CCDC85A: variants seen among roughly 807,000 people sequenced by gnomAD.
CCDC85A encodes the protein coiled-coil domain-containing protein 85A.
CCDC85A carries 38 observed loss-of-function variants against 50.2 expected under a neutral mutation model. The observed-to-expected ratio is 0.76, with a 90% CI of 0.58 to 0.99. The LOEUF (loss-of-function observed/expected upper bound fraction) is 0.99. Among genes scored for constraint, CCDC85A ranks in the 50% least tolerant of loss-of-function variants. The probability of loss-of-function intolerance (pLI) is 0.00; values close to 1 mark genes in which losing one functional copy is unlikely to be tolerated. For missense variants in CCDC85A, 820 were observed against 742.0 expected (o/e 1.11, Z -1.22); for synonymous variants, 366 against 301.4 (o/e 1.21, Z -2.22).
chr2:56,373,406 T>C lies in CCDC85A; in HGVS notation c.1452+928T>C, dbSNP rs1573365533. ...AAAAAAAAAAAAGTGTGTTTTTTAA[T>C]AGATATGGCCAGAACAGGACTTTGT... On this transcript the variant is annotated intron_variant, in intron 4 of 5. Transcript: ENST00000407595. 2.0e-5 allele frequency among the ~76,000 whole-genome samples: 3 copies of C among 151,990 alleles called. No homozygotes were observed. In the East Asian group the frequency reaches 5.8e-4, roughly 29 times the overall value.
At chr2:56,382,108 G>T (rs1676612733) in intron 5 of CCDC85A, among the ~76,000 whole-genome samples, 1 of 151,860 alleles carries the variant, frequency 6.6e-6, no homozygotes, top group Admixed American at 6.6e-5. Flanking sequence ...AAATGTTATT[G>T]TCACCATTAT....
intron 1 of CCDC85A, among the ~76,000 whole-genome samples, chr2:56,190,664 C>A (rs1676255695): frequency 6.6e-6 from 1 of 152,060 alleles, no homozygotes; most frequent in Admixed American, 6.5e-5. Context: ...AAAGGCCTTG[C>A]CCTTTGAGGA....
chr2:56,352,118 T>G (rs1573320614), intron 3 of CCDC85A, among the ~76,000 whole-genome samples: 1 of 152,332 alleles, frequency 6.6e-6, no homozygotes, highest in South Asian at 2.1e-4. Flanking sequence ...TTGTTTTCTT[T>G]CCTGTAGCCT....
chr2:56,230,903 C>G (rs1479312152), intron 2 of CCDC85A, among the ~76,000 whole-genome samples: 2 of 152,044 alleles, frequency 1.3e-5, no homozygotes, highest in South Asian at 2.1e-4. Context: ...GGTTCAGAGT[C>G]TACTTTTGTC....
intron 1 of CCDC85A, among the ~76,000 whole-genome samples, chr2:56,188,345 A>T (rs1401422369): frequency 1.3e-5 from 2 of 152,196 alleles, no homozygotes; most frequent in Admixed American, 1.3e-4. Context: ...GTGATATAGA[A>T]ATGGGAGTGG....
At chr2:56,276,849 T>C (rs935270988) in intron 2 of CCDC85A, among the ~76,000 whole-genome samples, 6 of 152,222 alleles carry the variant, frequency 3.9e-5, no homozygotes, top group African/African-American at 1.4e-4. Context: ...GATGTACATC[T>C]GGATTGCAAA....
chr2:56,230,318 A>G (rs1290016808), intron 2 of CCDC85A, among the ~76,000 whole-genome samples: 1 of 152,194 alleles, frequency 6.6e-6, no homozygotes, highest in Non-Finnish European at 1.5e-5. Context: ...TGGGCAGATG[A>G]TGTAATTCCT....
intron 3 of CCDC85A, among the ~76,000 whole-genome samples, chr2:56,369,351 G>A (rs1675962380): frequency 2.0e-5 from 3 of 152,124 alleles, no homozygotes; most frequent in Admixed American, 2.0e-4. Flanking sequence ...AATGGTCGTA[G>A]TTTGAAGAGA....
intron 2 of CCDC85A, among the ~76,000 whole-genome samples, chr2:56,284,210 A>G (rs1215568308): frequency 6.6e-6 from 1 of 151,992 alleles, no homozygotes; most frequent in Admixed American, 6.6e-5. Context: ...TTGTTTTCCC[A>G]TATTATGATC....
intron 2 of CCDC85A, among the ~76,000 whole-genome samples, chr2:56,245,701 A>G (rs1412592214): frequency 1.3e-5 from 2 of 152,094 alleles, no homozygotes; most frequent in African/African-American, 4.8e-5. Context: ...CCAAAATTCA[A>G]GTGTTGCCAA....
chr2:56,384,437 A>C lies in CCDC85A; in HGVS notation c.*82A>C, dbSNP rs1252816557. 3 of 1,141,304 alleles carry C rather than the reference A, an allele frequency of 2.6e-6. No homozygotes were observed. In the African/African-American group the frequency reaches 4.6e-5, roughly 18 times the overall value. 70.7% of individuals were successfully genotyped at this position (1,141,304 alleles called of 1,614,324 possible). A position where few individuals can be genotyped will look rare whatever the true frequency, so the allele number is the denominator to read the frequency against. On this transcript the variant is annotated 3_prime_UTR_variant, in exon 6 of 6. Transcript: ENST00000407595. ...AAGAAAAAGGAAAGAGTGGGTTTCCACAAACCTGGACTCATGGAATAACAT... is the reference window on the plus strand; with the variant it reads ...AAGAAAAAGGAAAGAGTGGGTTTCCCCAAACCTGGACTCATGGAATAACAT...
intron 2 of CCDC85A, among the ~76,000 whole-genome samples, chr2:56,331,477 T>C (rs995288397): frequency 6.6e-6 from 1 of 152,186 alleles, no homozygotes; most frequent in Admixed American, 6.5e-5. Flanking sequence ...GCTCAGACTT[T>C]AGCACTCTGC....
At position 56,184,507 on chromosome 2, in the gene CCDC85A, G is replaced by T. The variant is rs191774523; in HGVS notation, c.-118G>T. 2.9e-3 allele frequency: 3,419 copies of T among 1,160,124 alleles called. 76 individuals are homozygous for T. In the African/African-American group the frequency reaches 0.051, roughly 17 times the overall value. 71.9% of individuals were successfully genotyped at this position (1,160,124 alleles called of 1,614,324 possible). A position where few individuals can be genotyped will look rare whatever the true frequency, so the allele number is the denominator to read the frequency against. On this transcript the variant is annotated 5_prime_UTR_variant, in exon 1 of 6. Coordinates refer to ENST00000407595, the MANE Select transcript of CCDC85A (RefSeq NM_001080433.2). The stretch of plus-strand genomic sequence containing the variant: ...GCCCCAACCCAGCGGCCCCTGGGCG[G>T]TGCCGCTGACTCGCCGGAGCGCACA...
intron 2 of CCDC85A, among the ~76,000 whole-genome samples, chr2:56,324,914 C>A (rs564344271): frequency 6.6e-6 from 1 of 152,018 alleles, no homozygotes; most frequent in African/African-American, 2.4e-5. Flanking sequence ...ATAGTCTATT[C>A]ATTTCTTCAC....
At chr2:56,305,082 G>A (rs1221371759) in intron 2 of CCDC85A, among the ~76,000 whole-genome samples, 7 of 147,816 alleles carry the variant, frequency 4.7e-5, no homozygotes, top group Admixed American at 2.0e-4. Flanking sequence ...CAGCCTGGGC[G>A]ACAGAGCAAG....
chr2:56,321,159 T>C (rs1002400718), intron 2 of CCDC85A, among the ~76,000 whole-genome samples: 5 of 152,070 alleles, frequency 3.3e-5, no homozygotes, highest in Non-Finnish European at 5.9e-5. Context: ...GAAGAGCTAT[T>C]TATGACAAAC....
At chr2:56,297,364 G>A (rs2104172628) in intron 2 of CCDC85A, among the ~76,000 whole-genome samples, 1 of 149,802 alleles carries the variant, frequency 6.7e-6, no homozygotes, top group South Asian at 2.1e-4. Context: ...TTTCTCTTAG[G>A]ATCTTTGGAT....
chr2:56,351,348 G>A (rs1179322290), intron 3 of CCDC85A, among the ~76,000 whole-genome samples: 1 of 149,708 alleles, frequency 6.7e-6, no homozygotes, highest in Non-Finnish European at 1.5e-5. Flanking sequence ...ATGATTTATA[G>A]TCCTTTGGGT....
Position 56,384,448 on chromosome 2 carries a change from C to T in CCDC85A, c.*93C>T, listed in dbSNP as rs1676738284. The T allele has an allele frequency of 1.9e-6, 2 of 1,047,316 alleles. No individual in the cohort carries two copies. The highest frequency in any genetic ancestry group is 2.6e-5 in the South Asian group (2 of 76,070). The allele number at this position is 1,047,316 out of a possible 1,614,324, so 64.9% of individuals were successfully genotyped here. ...AAGAGTGGGTTTCCACAAACCTGGA[C>T]TCATGGAATAACATGGAGTGATTGT... On this transcript the variant is annotated 3_prime_UTR_variant, in exon 6 of 6. Transcript: ENST00000407595.
Sources: gnomAD v4.1 joint callset for allele counts (sites outside exome capture counted in the v4.1 genomes callset) on GRCh38, gnomAD v4.1.1 for gene constraint, MANE v1.5 for transcripts, NCBI Gene and HGNC (gene_info 2026-07-23, HGNC 2026-07-21) for gene names.